The following NTM variants were observed in gnomAD, a reference collection of about 807,000 sequenced individuals.
The protein encoded by NTM is IgLON family member 2.
NTM carries 13 observed loss-of-function variants against 42.1 expected under a neutral mutation model. That is an observed-to-expected ratio of 0.31 (90% CI 0.20 to 0.49). The LOEUF (loss-of-function observed/expected upper bound fraction) is 0.49, where lower values mean the gene tolerates loss of function less well. Ranked by LOEUF, NTM falls within the 20% of genes least tolerant of loss-of-function variation. The pLI, the probability that NTM is intolerant of heterozygous loss-of-function variation, is 0.99. For synonymous variants in NTM, 187 were observed against 179.2 expected (o/e 1.04, Z -0.35); for missense variants, 373 against 452.8 (o/e 0.82, Z 1.60).
At chr11:132,319,022 G>T (rs927471256) in intron 7 of NTM, among the ~76,000 whole-genome samples, 1 of 152,188 alleles carries the variant, frequency 6.6e-6, no homozygotes, top group African/African-American at 2.4e-5. Context: ...TAGAAAAAGT[G>T]AAGTCAATAG....
intron 4 of NTM, among the ~76,000 whole-genome samples, chr11:132,295,997 GAAACAGCAGGGTTTGTTGATTGA>G (rs1260267839): frequency 6.6e-6 from 1 of 152,180 alleles, no homozygotes; most frequent in Non-Finnish European, 1.5e-5. Context: ...AAAGTGAGTG[GAAACAGCAGGGTTTGTTGATTGA>G]AGGTGAGGAA....
At chr11:131,874,034 T>TAATATAATATAC (rs1359658670) in intron 1 of NTM, among the ~76,000 whole-genome samples, 2 of 25,518 alleles carry the variant, frequency 7.8e-5, no homozygotes, top group African/African-American at 6.3e-4. Context: ...TAATATAATA[T>TAATATAATATAC]ATATATATAT....
intron 1 of NTM, among the ~76,000 whole-genome samples, chr11:131,649,680 G>C (rs915178764): frequency 1.3e-5 from 2 of 152,050 alleles, no homozygotes; most frequent in Non-Finnish European, 2.9e-5. Flanking sequence ...GGGGGGAGGC[G>C]GTGCATGTAG....
intron 2 of NTM, among the ~76,000 whole-genome samples, chr11:132,107,073 G>A (rs1358435611): frequency 6.6e-6 from 1 of 152,018 alleles, no homozygotes; most frequent in African/African-American, 2.4e-5. Flanking sequence ...TTTTCATTCA[G>A]TGTACATTTA....
At chr11:131,509,809 G>GTCC (rs1053602323) in intron 1 of NTM, among the ~76,000 whole-genome samples, 1 of 152,200 alleles carries the variant, frequency 6.6e-6, no homozygotes, top group Non-Finnish European at 1.5e-5. Context: ...GGAGACCTGT[G>GTCC]TAACTAGAAA....
At chr11:131,903,120 T>C (rs1179384013) in intron 1 of NTM, among the ~76,000 whole-genome samples, 1 of 119,050 alleles carries the variant, frequency 8.4e-6, no homozygotes, top group Non-Finnish European at 1.7e-5. Flanking sequence ...AAAAATCCCT[T>C]ACTGAAGAGA....
At chr11:131,993,166 C>T (rs1008466750) in intron 2 of NTM, among the ~76,000 whole-genome samples, 2 of 152,218 alleles carry the variant, frequency 1.3e-5, no homozygotes, top group African/African-American at 2.4e-5. Context: ...GATCAATTTG[C>T]GTCATAGTAC....
At chr11:132,042,674 C>A (rs1381917618) in intron 2 of NTM, among the ~76,000 whole-genome samples, 1 of 152,212 alleles carries the variant, frequency 6.6e-6, no homozygotes, top group Non-Finnish European at 1.5e-5. Context: ...CAGAAGCTCG[C>A]AGACATCATG....
chr11:131,867,443 ATGTGTATG>A (rs2047334080), intron 1 of NTM, among the ~76,000 whole-genome samples: 1 of 151,190 alleles, frequency 6.6e-6, no homozygotes, highest in Admixed American at 6.6e-5. Flanking sequence ...GAATAACCAT[ATGTGTATG>A]TGTGTGTGTG....
intron 1 of NTM, among the ~76,000 whole-genome samples, chr11:131,673,578 G>A (rs1323771902): frequency 1.3e-5 from 2 of 152,196 alleles, no homozygotes; most frequent in Non-Finnish European, 2.9e-5. Context: ...ACAGTGACGT[G>A]ATACAGTTAG....
chr11:131,716,377 T>C (rs369159060), intron 1 of NTM, among the ~76,000 whole-genome samples: 1 of 152,198 alleles, frequency 6.6e-6, no homozygotes, highest in East Asian at 1.9e-4. Context: ...TTACTTCTTT[T>C]GAGTTACTAC....
At chr11:132,081,850 G>A (rs1255310965) in intron 2 of NTM, among the ~76,000 whole-genome samples, 7 of 151,082 alleles carry the variant, frequency 4.6e-5, no homozygotes, top group Non-Finnish European at 7.4e-5. Context: ...GATCACTTGA[G>A]CCTAGGAGTT....
intron 2 of NTM, among the ~76,000 whole-genome samples, chr11:132,066,604 G>A (rs563139884): frequency 2.0e-5 from 3 of 152,132 alleles, no homozygotes; most frequent in Non-Finnish European, 4.4e-5. Context: ...CAGGAGCGTA[G>A]GGGATAATCT....
In NTM at chr11:132,224,503, G is replaced by T. The variant is rs371924336; in HGVS notation, c.526+12356G>T. Among the ~76,000 whole-genome samples, 41 of 152,264 alleles carry T rather than the reference G, an allele frequency of 2.7e-4. No homozygotes were observed. In the South Asian group the frequency reaches 6.4e-3, roughly 24 times the overall value. ...TATGCACCCTGGCAATAAGAGATGA[G>T]GTGTGTTGGTGTTAATCCCACATGT... On this transcript the variant is annotated intron_variant, in intron 4 of 8. Coordinates refer to ENST00000683400, the MANE Select transcript of NTM (RefSeq NM_001352005.2).
chr11:132,250,340 A>T (rs1159816476), intron 4 of NTM, among the ~76,000 whole-genome samples: 1 of 152,180 alleles, frequency 6.6e-6, no homozygotes, highest in Non-Finnish European at 1.5e-5. Flanking sequence ...CAAGTTCACG[A>T]TGCTGTGTTA....
chr11:132,198,307 G>A (rs2080609177), intron 3 of NTM, among the ~76,000 whole-genome samples: 1 of 152,052 alleles, frequency 6.6e-6, no homozygotes, highest in South Asian at 2.1e-4. Flanking sequence ...CTGAGCTAAA[G>A]TGATCCAGCC....
intron 4 of NTM, among the ~76,000 whole-genome samples, chr11:132,286,289 G>A (rs941207763): frequency 1.3e-5 from 2 of 152,148 alleles, no homozygotes; most frequent in African/African-American, 4.8e-5. Flanking sequence ...GGCAGTGCAG[G>A]CTATTTCTGT....
chr11:131,971,556 C>T (rs952513116), intron 2 of NTM, among the ~76,000 whole-genome samples: 4 of 152,038 alleles, frequency 2.6e-5, no homozygotes, highest in African/African-American at 9.7e-5. Flanking sequence ...GTCAGTGGGG[C>T]TCTTCATTTG....
chr11:132,143,238 C>T (rs183029719), intron 2 of NTM, among the ~76,000 whole-genome samples: 39 of 152,300 alleles, frequency 2.6e-4, no homozygotes, highest in Middle Eastern at 3.4e-3. Flanking sequence ...TCTCAGGGAG[C>T]TCTCCAGACC....
Sources: allele counts gnomAD v4.1 joint callset (sites outside exome capture counted in the v4.1 genomes callset), GRCh38; gene constraint gnomAD v4.1.1; transcripts MANE v1.5; gene names NCBI Gene and HGNC (gene_info 2026-07-23, HGNC 2026-07-21).